FEM1C: variants seen among roughly 807,000 people sequenced by gnomAD.
FEM1C encodes the protein fem-1 homolog C.
A neutral mutation model predicts 37.6 loss-of-function variants in FEM1C; 15 were observed. The ratio of observed to expected loss-of-function variants is 0.40; its 90% CI spans 0.27 to 0.61. The LOEUF is 0.61. Ranked by LOEUF, FEM1C falls within the 20% of genes least tolerant of loss-of-function variation. FEM1C has a pLI of 0.42. For missense variants in FEM1C, 532 were observed against 749.7 expected (o/e 0.71, Z 3.39); for synonymous variants, 287 against 272.8 (o/e 1.05, Z -0.51).
At chr5:115,534,010 T>C (rs1474898279) in intron 2 of FEM1C, among the ~76,000 whole-genome samples, 1 of 151,950 alleles carries the variant, frequency 6.6e-6, no homozygotes, top group East Asian at 1.9e-4. Context: ...AGAAATCCGG[T>C]TAGTGGCACA....
At chr5:115,535,404 G>C (rs1754104715) in intron 2 of FEM1C, among the ~76,000 whole-genome samples, 1 of 151,244 alleles carries the variant, frequency 6.6e-6, no homozygotes, top group South Asian at 2.1e-4. Context: ...AGATAACCCA[G>C]TTATAAAACA....
chr5:115,531,971 G>A (rs997496231), intron 2 of FEM1C, among the ~76,000 whole-genome samples: 3 of 151,948 alleles, frequency 2.0e-5, no homozygotes, highest in African/African-American at 7.3e-5. Context: ...AGAACAAACA[G>A]CCCTGTTCAC....
At chr5:115,526,323 C>T (rs886631695) in intron 2 of FEM1C, among the ~76,000 whole-genome samples, 4 of 152,062 alleles carry the variant, frequency 2.6e-5, no homozygotes, top group African/African-American at 9.7e-5. Flanking sequence ...GTAAGAAAAA[C>T]AAATCCATGG....
intron 2 of FEM1C, among the ~76,000 whole-genome samples, chr5:115,541,466 G>A (rs1754240111): frequency 6.6e-6 from 1 of 152,078 alleles, no homozygotes; most frequent in Non-Finnish European, 1.5e-5. Flanking sequence ...CCCCATAATT[G>A]TGTGGTTTAA....
intron 2 of FEM1C, among the ~76,000 whole-genome samples, chr5:115,532,188 TATA>T (rs1481577733): frequency 1.3e-5 from 2 of 152,122 alleles, no homozygotes; most frequent in Non-Finnish European, 2.9e-5. Flanking sequence ...CATCTACTAT[TATA>T]ATACCTTACA....
chr5:115,539,793 T>C lies in FEM1C; in HGVS notation c.544+3157A>G, dbSNP rs138504148. Among the ~76,000 whole-genome samples the C allele has an allele frequency of 5.9e-5, 9 of 152,218 alleles. No homozygotes were observed. In the East Asian group the frequency reaches 1.7e-3, roughly 29 times the overall value. The stretch of plus-strand genomic sequence containing the variant: ...TTTGTATATCCTAAGTCTAACAGCC[T>C]GGCACACTGCGGGACTCAACAACTG... On this transcript the variant is annotated intron_variant, in intron 2 of 2. Coordinates refer to ENST00000274457, the MANE Select transcript of FEM1C (RefSeq NM_020177.3).
intron 2 of FEM1C, among the ~76,000 whole-genome samples, chr5:115,541,211 T>C (rs1754233841): frequency 6.6e-6 from 1 of 152,044 alleles, no homozygotes; most frequent in Admixed American, 6.6e-5. Context: ...TTTATTAAGC[T>C]AAAAAACAGG....
At chr5:115,533,869 T>C (rs1190277083) in intron 2 of FEM1C, among the ~76,000 whole-genome samples, 1 of 151,558 alleles carries the variant, frequency 6.6e-6, no homozygotes, top group African/African-American at 2.4e-5. Flanking sequence ...AAACATATTA[T>C]ATTAAACAAT....
chr5:115,522,505 GTAAGAA>G lies in FEM1C; in HGVS notation c.*1797_*1802del, dbSNP rs1561554625. Reference sequence around the variant, plus strand: ...ATCAAATTTACAACCTAGCAAATGAGTAAGAATATCTTTTAAAAATTAAATCTCAAT... The same window carrying G: ...ATCAAATTTACAACCTAGCAAATGAGTATCTTTTAAAAATTAAATCTCAAT... On this transcript the variant is annotated 3_prime_UTR_variant, in exon 3 of 3. Transcript: ENST00000274457. 6.6e-6 allele frequency: 1 copy of G among 151,894 alleles called. No homozygotes were observed. Among genetic ancestry groups the G allele is most frequent in the Non-Finnish European group, 1.5e-5 (1 of 67,884 alleles). 9.4% of individuals were successfully genotyped at this position (151,894 alleles called of 1,614,324 possible). A position where few individuals can be genotyped will look rare whatever the true frequency, so the allele number is the denominator to read the frequency against.
chr5:115,543,907 G>A (rs1287241625), intron 1 of FEM1C: 20 of 985,144 alleles, frequency 2.0e-5, no homozygotes, highest in Non-Finnish European at 2.4e-5. Context: ...CTCCATGTGC[G>A]GAAAATTTAA....
intron 2 of FEM1C, among the ~76,000 whole-genome samples, chr5:115,537,369 T>TA (rs1754150419): frequency 6.6e-6 from 1 of 152,110 alleles, no homozygotes; most frequent in African/African-American, 2.4e-5. Flanking sequence ...AAGCTCATGT[T>TA]ACTGCCACGA....
At chr5:115,538,249 C>T (rs1221488792) in intron 2 of FEM1C, among the ~76,000 whole-genome samples, 2 of 151,866 alleles carry the variant, frequency 1.3e-5, no homozygotes, top group African/African-American at 4.8e-5. Context: ...TCTCTCAAAC[C>T]CTTTTAATGC....
chr5:115,541,708 G>A (rs1165546385), intron 2 of FEM1C, among the ~76,000 whole-genome samples: 1 of 152,244 alleles, frequency 6.6e-6, no homozygotes, highest in Middle Eastern at 3.4e-3. Context: ...ATGAAATACT[G>A]TATAGCCACA....
In FEM1C at chr5:115,524,809, C is replaced by A; in HGVS notation, c.1353G>T (p.Leu451Phe). ...ALSIILHLIC[L>F]LEKVPCTLEQ... ...CTAGAGTACAAGGAACTTTCTCTAA[C>A]AAGCAAATTAAGTGCAAAATAATAG... The change falls in exon 3 of 3, where the codon TTG becomes TTT. Residue 451 changes from leucine to phenylalanine, a missense_variant. By Grantham distance (22) the Leu-to-Phe change is conservative (BLOSUM62 0). This residue lies in a region of FEM1C where 237 missense variants were observed against 260.5 expected (regional missense o/e 0.91). Coordinates refer to ENST00000274457, the MANE Select transcript of FEM1C (RefSeq NM_020177.3). The A allele has an allele frequency of 6.2e-7, 1 of 1,601,590 alleles. No individual in the cohort carries two copies. The highest frequency in any genetic ancestry group is 8.5e-7 in the Non-Finnish European group (1 of 1,174,452).
intron 2 of FEM1C, among the ~76,000 whole-genome samples, chr5:115,537,715 T>C (rs1741839868): frequency 6.6e-6 from 1 of 152,034 alleles, no homozygotes; most frequent in Non-Finnish European, 1.5e-5. Flanking sequence ...AATATAGATA[T>C]ATTAGAATAA....
Position 115,526,811 on chromosome 5 carries a change from T to C in FEM1C, c.545-1194A>G, listed in dbSNP as rs370633109. ...TGGTAAATAGTTCTCTATACTGATC[T>C]AAAACTTTCCCTAAATGATAAGGGT... On this transcript the variant is annotated intron_variant, in intron 2 of 2. Coordinates refer to ENST00000274457, the MANE Select transcript of FEM1C (RefSeq NM_020177.3). 2.0e-5 allele frequency among the ~76,000 whole-genome samples: 3 copies of C among 152,258 alleles called. No homozygotes were observed. In the South Asian group the frequency reaches 6.2e-4, roughly 32 times the overall value.
At chr5:115,530,736 T>A (rs1753997947) in intron 2 of FEM1C, among the ~76,000 whole-genome samples, 1 of 152,152 alleles carries the variant, frequency 6.6e-6, no homozygotes. Flanking sequence ...AAAACCTGTC[T>A]ATTTGAATTT....
chr5:115,540,788 A>G (rs1754225943), intron 2 of FEM1C, among the ~76,000 whole-genome samples: 1 of 152,134 alleles, frequency 6.6e-6, no homozygotes, highest in Admixed American at 6.5e-5. Flanking sequence ...CTTTTAAAAC[A>G]TATCCCAATT....
At position 115,524,635 on chromosome 5, in the gene FEM1C, T is replaced by G. The variant is rs1561555677; in HGVS notation, c.1527A>C (p.Gln509His). 6.3e-7 allele frequency: 1 copy of G among 1,582,072 alleles called. No individual in the cohort carries two copies. The highest frequency in any genetic ancestry group is 1.8e-5 in the Admixed American group (1 of 54,158). The change falls in exon 3 of 3, where the codon CAA becomes CAC. Residue 509 changes from glutamine to histidine, a missense_variant. Coordinates refer to ENST00000274457, the MANE Select transcript of FEM1C (RefSeq NM_020177.3). ...RYPVCKFPSL[Q>H]VTAILIECGA... ...CACATTCTATCAGTATTGCAGTAACTTGTAGAGATGGAAATTTACAAACAG... is the reference window on the plus strand; with the variant it reads ...CACATTCTATCAGTATTGCAGTAACGTGTAGAGATGGAAATTTACAAACAG...
Sources: allele counts gnomAD v4.1 joint callset (sites outside exome capture counted in the v4.1 genomes callset), GRCh38; gene constraint gnomAD v4.1.1; regional missense constraint gnomAD v4.1.1; transcripts MANE v1.5; gene names NCBI Gene and HGNC (gene_info 2026-07-23, HGNC 2026-07-21).